The following KLRG1 variants were observed in gnomAD, a reference collection of about 807,000 sequenced individuals.
The protein encoded by KLRG1 is killer cell lectin like receptor G1.
A neutral mutation model predicts 21.8 loss-of-function variants in KLRG1; 16 were observed. The ratio of observed to expected loss-of-function variants is 0.73; its 90% CI spans 0.50 to 1.11. The LOEUF is 1.11. Among genes scored for constraint, KLRG1 ranks in the 50% most tolerant of loss-of-function variants. KLRG1 has a pLI of 0.00. For missense variants in KLRG1, 173 were observed against 218.3 expected, an observed-to-expected ratio of 0.79 and a Z score of 1.31; for synonymous variants, 69 against 75.9, an observed-to-expected ratio of 0.91 and a Z score of 0.47.
At chr12:9,192,326 G>A in the KLRG1 span, 1 of 1,470,580 alleles carries the variant, frequency 6.8e-7, no homozygotes, top group Non-Finnish European at 9.5e-7. Flanking sequence ...TTCCCCACAT[G>A]ACCCACTTTC....
the KLRG1 span, among the ~76,000 whole-genome samples, chr12:9,187,703 G>A: frequency 2.0e-5 from 3 of 152,182 alleles, no homozygotes; most frequent in South Asian, 6.2e-4. Context: ...GAAACTTATA[G>A]CACTAAACAT....
chr12:8,982,893 G>GC (rs1277997161), intron 1 of KLRG1, among the ~76,000 whole-genome samples: 1 of 151,916 alleles, frequency 6.6e-6, no homozygotes, highest in African/African-American at 2.4e-5. Context: ...TGATTTGCCC[G>GC]CCTCAGCCTC....
the KLRG1 span, chr12:9,107,746 T>C: frequency 7.3e-7 from 1 of 1,364,826 alleles, no homozygotes; most frequent in South Asian, 1.3e-5. Flanking sequence ...TCCCTGTCTG[T>C]ACTTCCCTCT....
chr12:9,158,757 C>CTTTTTTTTT, the KLRG1 span, among the ~76,000 whole-genome samples: 1 of 125,434 alleles, frequency 8.0e-6, no homozygotes, highest in African/African-American at 3.0e-5. Flanking sequence ...CTTTTCTTTT[C>CTTTTTTTTT]TTTTTTTTTT....
the KLRG1 span, chr12:9,027,653 T>C: frequency 9.8e-6 from 9 of 920,818 alleles, no homozygotes; most frequent in African/African-American, 1.5e-4. Context: ...CTCCAAAGAT[T>C]CTTCCCTTCA....
downstream of KLRG1, among the ~76,000 whole-genome samples, chr12:9,011,028 T>A (rs1384523193): frequency 6.6e-6 from 1 of 152,210 alleles, no homozygotes; most frequent in Non-Finnish European, 1.5e-5. Flanking sequence ...CAATTAAGGA[T>A]GTAATGATAG....
At chr12:9,095,371 A>C in the KLRG1 span, among the ~76,000 whole-genome samples, 4,710 of 152,356 alleles carry the variant, frequency 0.031, 113 homozygotes, top group Non-Finnish European at 0.049. Flanking sequence ...GTTCCAGCTT[A>C]GTTCAGCAGC....
chr12:9,127,693 G>T, the KLRG1 span: 1 of 160,106 alleles, frequency 6.2e-6, no homozygotes, highest in South Asian at 1.6e-4. Context: ...TCCTCCTCTG[G>T]GGCTATGGCA....
At chr12:9,050,773 A>C in the KLRG1 span, among the ~76,000 whole-genome samples, 2 of 152,040 alleles carry the variant, frequency 1.3e-5, no homozygotes, top group East Asian at 3.9e-4. Flanking sequence ...GCGAGGTGGG[A>C]GCTCCCCTGG....
At chr12:9,042,498 A>G in the KLRG1 span, among the ~76,000 whole-genome samples, 2 of 152,208 alleles carry the variant, frequency 1.3e-5, no homozygotes, top group South Asian at 2.1e-4. Flanking sequence ...CAAAAAGTCT[A>G]CTAAAAATCC....
the KLRG1 span, chr12:9,128,147 C>T: frequency 5.2e-6 from 1 of 190,506 alleles, no homozygotes; most frequent in Non-Finnish European, 1.1e-5. Flanking sequence ...GGAGAAGAAC[C>T]ACAACGAGGA....
chr12:8,986,178 A>AG (rs201891696), upstream of KLRG1, among the ~76,000 whole-genome samples: 12 of 152,328 alleles, frequency 7.9e-5, no homozygotes, highest in East Asian at 2.1e-3. Flanking sequence ...GCATCATATT[A>AG]GGGGGTACAT....
chr12:9,187,354 A>G, the KLRG1 span, among the ~76,000 whole-genome samples: 1 of 152,188 alleles, frequency 6.6e-6, no homozygotes, highest in Non-Finnish European at 1.5e-5. Flanking sequence ...CTACAAAACT[A>G]TCCACTACAA....
chr12:9,196,474 T>G, the KLRG1 span: 1 of 1,576,698 alleles, frequency 6.3e-7, no homozygotes, highest in Non-Finnish European at 8.7e-7. Flanking sequence ...TTTTAGAAGT[T>G]ACTTTAGTCA....
chr12:9,074,838 A>G, the KLRG1 span: 1 of 1,522,994 alleles, frequency 6.6e-7, no homozygotes, highest in South Asian at 1.2e-5. Context: ...ATTTAATTCA[A>G]GGTGAAAGTA....
chr12:9,141,520 T>G, the KLRG1 span, among the ~76,000 whole-genome samples: 3 of 152,228 alleles, frequency 2.0e-5, no homozygotes, highest in Non-Finnish European at 4.4e-5. Context: ...AATGTCAGTT[T>G]ACAGAAAAAC....
chr12:9,101,164 A>G, the KLRG1 span: 10 of 1,561,014 alleles, frequency 6.4e-6, no homozygotes, highest in Non-Finnish European at 8.7e-6. Context: ...CTTCACAAGC[A>G]GTCCATGAGT....
the KLRG1 span, among the ~76,000 whole-genome samples, chr12:9,076,561 G>A: frequency 0.38 from 57,354 of 151,992 alleles, 11,545 homozygotes; most frequent in African/African-American, 0.49. Flanking sequence ...GCATCTGCAC[G>A]GCCTCTTGTC....
the KLRG1 span, among the ~76,000 whole-genome samples, chr12:9,086,670 C>A: frequency 1.3e-5 from 2 of 152,148 alleles, no homozygotes; most frequent in Non-Finnish European, 2.9e-5. Flanking sequence ...TATGATAAAC[C>A]TATAGCTTAC....
Sources: gnomAD v4.1 joint callset for allele counts (sites outside exome capture counted in the v4.1 genomes callset) on GRCh38, gnomAD v4.1.1 for gene constraint, MANE v1.5 for transcripts, NCBI Gene and HGNC (gene_info 2026-07-23, HGNC 2026-07-21) for gene names.